The following SIK3 variants were observed in gnomAD, a reference collection of about 807,000 sequenced individuals.
SIK3 encodes serine/threonine-protein kinase SIK3.
SIK3 carries 28 observed loss-of-function variants against 144.2 expected under a neutral mutation model. The ratio of observed to expected loss-of-function variants is 0.19; its 90% CI spans 0.14 to 0.27. SIK3 has a LOEUF of 0.27. SIK3 is among the 10% of genes least tolerant of loss of function. The pLI is 1.00. For synonymous variants in SIK3, 686 were observed against 676.3 expected (o/e 1.01, Z -0.22); for missense variants, 1,319 against 1,776.0 (o/e 0.74, Z 4.62).
chr11:117,063,262 G>A (rs1350623953), intron 1 of SIK3, among the ~76,000 whole-genome samples: 2 of 152,106 alleles, frequency 1.3e-5, no homozygotes, highest in South Asian at 2.1e-4. Flanking sequence ...GAGTACCCAC[G>A]TCTCAGAAGC....
At chr11:117,029,321 G>C (rs931715188) in intron 1 of SIK3, among the ~76,000 whole-genome samples, 1 of 152,096 alleles carries the variant, frequency 6.6e-6, no homozygotes, top group African/African-American at 2.4e-5. Context: ...GCTGGGCATG[G>C]TGGCAAGCAC....
intron 1 of SIK3, among the ~76,000 whole-genome samples, chr11:117,023,621 A>AAAAAAAAATATATATAT (rs754624841): frequency 1.0e-5 from 1 of 95,420 alleles, no homozygotes; most frequent in African/African-American, 4.3e-5. Context: ...AAAAAAAAAA[A>AAAAAAAAATATATATAT]ATATATATAT....
Position 116,896,250 on chromosome 11 carries a change from T to C in SIK3, c.865+3A>G, listed in dbSNP as rs1200414422. On this transcript the variant is annotated splice_donor_region_variant and intron_variant, in intron 6 of 24. Transcript: ENST00000445177. ...CATAGCTGTGTGCTAGCGACTCCCT[T>C]ACCTGTGGACATAAAAAATGGGATG... is the stretch of plus-strand genomic sequence containing the variant. 2 of 1,613,404 alleles carry C rather than the reference T, an allele frequency of 1.2e-6. No homozygotes were observed. The highest frequency in any genetic ancestry group is 1.7e-4 in the Middle Eastern group (1 of 6,054).
intron 1 of SIK3, among the ~76,000 whole-genome samples, chr11:117,082,323 T>G (rs1417054702): frequency 6.6e-6 from 1 of 152,162 alleles, no homozygotes; most frequent in African/African-American, 2.4e-5. Context: ...CACAGAAATT[T>G]GTACACAAAT....
chr11:116,952,490 G>A (rs1948979131), intron 3 of SIK3, among the ~76,000 whole-genome samples: 1 of 152,274 alleles, frequency 6.6e-6, no homozygotes, highest in African/African-American at 2.4e-5. Flanking sequence ...ATCATAACAT[G>A]TGCCTGGAAT....
chr11:116,988,737 T>C (rs519794), intron 1 of SIK3, among the ~76,000 whole-genome samples: 125,921 of 151,702 alleles, frequency 0.83, 52,890 homozygotes, highest in Non-Finnish European at 0.89. Flanking sequence ...GAGCCTTCAG[T>C]GAGCCATGAT....
intron 1 of SIK3, 134 bp downstream of exon 1, chr11:117,098,009 G>A (rs1955556602): frequency 3.5e-6 from 4 of 1,128,976 alleles, no homozygotes; most frequent in African/African-American, 1.7e-5. Context: ...CGCCGCGGCT[G>A]GCTCCCTCCC....
chr11:117,027,648 G>T (rs1952074950), intron 1 of SIK3, among the ~76,000 whole-genome samples: 1 of 151,666 alleles, frequency 6.6e-6, no homozygotes, highest in African/African-American at 2.4e-5. Context: ...TTTTTTTTTA[G>T]TAGAGATGGG....
At chr11:116,928,741 A>C (rs1419541055) in intron 3 of SIK3, among the ~76,000 whole-genome samples, 2 of 152,228 alleles carry the variant, frequency 1.3e-5, no homozygotes, top group Non-Finnish European at 2.9e-5. Flanking sequence ...CACAAGAAAT[A>C]TAACATTCTG....
chr11:117,046,665 G>C (rs1375032227), intron 1 of SIK3, among the ~76,000 whole-genome samples: 1 of 152,078 alleles, frequency 6.6e-6, no homozygotes, highest in Admixed American at 6.6e-5. Flanking sequence ...GATCACTTGG[G>C]CCAAGGAGTT....
chr11:116,851,074 C>T (rs554204616), intron 21 of SIK3, among the ~76,000 whole-genome samples: 3 of 152,322 alleles, frequency 2.0e-5, no homozygotes, highest in East Asian at 3.9e-4. Flanking sequence ...GCATACCATT[C>T]TATGGACTAG....
intron 4 of SIK3, among the ~76,000 whole-genome samples, chr11:116,914,050 AATT>A (rs1946481430): frequency 4.6e-5 from 7 of 152,184 alleles, no homozygotes. Flanking sequence ...GTTACCTAGA[AATT>A]AAGAGTAGGT....
intron 3 of SIK3, among the ~76,000 whole-genome samples, chr11:116,944,123 T>C (rs1047782164): frequency 2.6e-5 from 4 of 152,174 alleles, no homozygotes; most frequent in African/African-American, 9.7e-5. Flanking sequence ...AGGTGTAATG[T>C]AGTTTTATCA....
intron 4 of SIK3, among the ~76,000 whole-genome samples, 198 bp downstream of exon 4, chr11:116,927,019 GAA>G (rs34416738): frequency 9.0e-5 from 10 of 110,760 alleles, no homozygotes; most frequent in African/African-American, 1.9e-4. Flanking sequence ...ACTCAGTCTC[GAA>G]AAAAAAAAAA....
At chr11:116,912,449 T>TC (rs1196770570) in intron 4 of SIK3, among the ~76,000 whole-genome samples, 1 of 152,236 alleles carries the variant, frequency 6.6e-6, no homozygotes, top group Non-Finnish European at 1.5e-5. Flanking sequence ...GCAATGAACT[T>TC]GACTTCTTTT....
intron 1 of SIK3, among the ~76,000 whole-genome samples, chr11:117,069,188 G>C (rs977047578): frequency 8.3e-5 from 9 of 108,772 alleles, no homozygotes; most frequent in African/African-American, 2.3e-4. Context: ...TTTTTTTGGG[G>C]GGGGGGGGGT....
intron 6 of SIK3, among the ~76,000 whole-genome samples, chr11:116,894,310 T>C (rs1178121416): frequency 6.6e-6 from 1 of 152,210 alleles, no homozygotes; most frequent in African/African-American, 2.4e-5. Flanking sequence ...TTAACTATTA[T>C]CTATACACTG....
intron 1 of SIK3, among the ~76,000 whole-genome samples, chr11:116,957,293 C>T (rs148140898): frequency 2.5e-4 from 38 of 152,202 alleles, no homozygotes; most frequent in Middle Eastern, 3.4e-3. Flanking sequence ...GGTCTTCTGC[C>T]ATTTCTTCAA....
chr11:116,900,920 A>G (rs1945704915), intron 4 of SIK3, among the ~76,000 whole-genome samples: 1 of 150,716 alleles, frequency 6.6e-6, no homozygotes, highest in Admixed American at 6.6e-5. Context: ...GCTGGAGTGC[A>G]GTGGTGCGAT....
Sources: allele counts gnomAD v4.1 joint callset (sites outside exome capture counted in the v4.1 genomes callset), GRCh38; gene constraint gnomAD v4.1.1; transcripts MANE v1.5; gene names NCBI Gene and HGNC (gene_info 2026-07-23, HGNC 2026-07-21).